The following STAC variants were observed in gnomAD, a reference collection of about 807,000 sequenced individuals.
The protein encoded by STAC is SH3 and cysteine-rich domain-containing protein.
In STAC, 43 loss-of-function variants were observed where a neutral mutation model predicts 48.8. That is an observed-to-expected ratio of 0.88 (90% CI 0.69 to 1.14). STAC has a LOEUF of 1.14. Among genes scored for constraint, STAC ranks in the 50% most tolerant of loss-of-function variants. The probability of loss-of-function intolerance (pLI) is 0.00; values close to 1 mark genes in which losing one functional copy is unlikely to be tolerated. For synonymous variants in STAC, 193 were observed against 179.5 expected (o/e 1.07, Z -0.60); for missense variants, 497 against 504.0 (o/e 0.99, Z 0.13).
intron 1 of STAC, among the ~76,000 whole-genome samples, chr3:36,433,248 T>A (rs915640851): frequency 1.3e-5 from 2 of 152,170 alleles, no homozygotes; most frequent in African/African-American, 4.8e-5. Context: ...TTAAGGTTTA[T>A]GTATCATTGG....
chr3:36,446,904 G>C (rs1696522411), intron 2 of STAC, among the ~76,000 whole-genome samples: 1 of 152,126 alleles, frequency 6.6e-6, no homozygotes, highest in Non-Finnish European at 1.5e-5. Context: ...GCTACACAAA[G>C]AATCATTCAC....
At chr3:36,405,603 G>A (rs185952946) in intron 1 of STAC, among the ~76,000 whole-genome samples, 4 of 152,220 alleles carry the variant, frequency 2.6e-5, no homozygotes, top group East Asian at 1.9e-4. Flanking sequence ...TTGCCTCCCC[G>A]TCAGCTCCAT....
In STAC at chr3:36,443,792, T is replaced by C; in HGVS notation, c.388+152T>C. On this transcript the variant is annotated intron_variant, in intron 2 of 10. Coordinates refer to ENST00000273183, the MANE Select transcript of STAC (RefSeq NM_003149.3). The surrounding 1 kb of genome is among the most constrained non-coding windows in gnomAD (Gnocchi z 4.2). ...TTCAGGAGTGCTTTGGGGAACAATATTTGTGAGAAGGTAAGGGAAGCAGCA... is the reference window on the plus strand; with the variant it reads ...TTCAGGAGTGCTTTGGGGAACAATACTTGTGAGAAGGTAAGGGAAGCAGCA... The C allele has an allele frequency of 1.9e-6, 2 of 1,075,384 alleles. No individual in the cohort carries two copies. The highest frequency in any genetic ancestry group is 2.6e-6 in the Non-Finnish European group (2 of 758,058). The allele number at this position is 1,075,384 out of a possible 1,614,324, so 66.6% of individuals were successfully genotyped here. A position where few individuals can be genotyped will look rare whatever the true frequency, so the allele number is the denominator to read the frequency against.
intron 10 of STAC, 42 bp downstream of exon 10, chr3:36,529,027 A>C: frequency 6.5e-7 from 1 of 1,540,656 alleles, no homozygotes; most frequent in Non-Finnish European, 8.8e-7. Flanking sequence ...TGAGCCAAAT[A>C]GGGTGTCATT....
chr3:36,529,185 T>TA, intron 10 of STAC, 200 bp downstream of exon 10: 1 of 442,850 alleles, frequency 2.3e-6, no homozygotes, highest in Non-Finnish European at 3.7e-6. Context: ...CACTTGGTGA[T>TA]ACCTGTTCAT....
intron 2 of STAC, among the ~76,000 whole-genome samples, chr3:36,471,905 TGAG>T (rs1214862114): frequency 3.3e-5 from 5 of 152,192 alleles, no homozygotes; most frequent in Non-Finnish European, 7.3e-5. Context: ...TCTGGAGTCT[TGAG>T]GATGGTGGCC....
At chr3:36,513,991 A>C (rs1698605500) in intron 8 of STAC, among the ~76,000 whole-genome samples, 1 of 152,088 alleles carries the variant, frequency 6.6e-6, no homozygotes, top group Non-Finnish European at 1.5e-5. Flanking sequence ...TGAATCCTGA[A>C]AAAGTTACCC....
At chr3:36,526,024 A>G (rs1242797696) in intron 8 of STAC, among the ~76,000 whole-genome samples, 1 of 152,228 alleles carries the variant, frequency 6.6e-6, no homozygotes, top group African/African-American at 2.4e-5. Context: ...CTAGAAAACA[A>G]GAACGCATGC....
intron 10 of STAC, among the ~76,000 whole-genome samples, chr3:36,533,581 G>A (rs946085335): frequency 7.1e-6 from 1 of 141,426 alleles, no homozygotes; most frequent in Non-Finnish European, 1.5e-5. Context: ...AAACCAGAAG[G>A]CAAATTAAAA....
chr3:36,435,453 T>C (rs116842490), intron 1 of STAC, among the ~76,000 whole-genome samples: 2,862 of 152,256 alleles, frequency 0.019, 209 homozygotes, highest in Admixed American at 0.13. Context: ...AGCATGCCCC[T>C]TTCTCTCTTA....
intron 1 of STAC, among the ~76,000 whole-genome samples, chr3:36,428,209 A>G (rs1053306810): frequency 3.3e-5 from 5 of 152,166 alleles, no homozygotes; most frequent in African/African-American, 1.2e-4. Flanking sequence ...TTGCATTAAC[A>G]TGTTACATTA....
chr3:36,454,170 G>T (rs565849727), intron 2 of STAC, among the ~76,000 whole-genome samples: 119 of 152,300 alleles, frequency 7.8e-4, no homozygotes, highest in Middle Eastern at 3.4e-3. Flanking sequence ...CGCTGTGGAA[G>T]CTTTGTTCTT....
chr3:36,389,406 A>T (rs1699703691), intron 1 of STAC, among the ~76,000 whole-genome samples: 1 of 152,118 alleles, frequency 6.6e-6, no homozygotes, highest in African/African-American at 2.4e-5. Context: ...ACTAATCCGA[A>T]TCATGAAGGC....
chr3:36,547,671 GT>G lies in STAC; in HGVS notation c.*1383del, dbSNP rs35006991. 16,537 of 152,638 alleles carry G rather than the reference GT, an allele frequency of 0.11. 1,119 individuals carry two copies. The highest frequency in any genetic ancestry group is 0.15 in the Non-Finnish European group (10,254 of 68,002). The allele number at this position is 152,638 out of a possible 1,614,324, so 9.5% of individuals were successfully genotyped here. A position where few individuals can be genotyped will look rare whatever the true frequency, so the allele number is the denominator to read the frequency against. ...ACTTAAGTGGATGCATCCTATGCAT[GT>G]AAGCATTATTTCCCAAACCAAAGCA... is the stretch of plus-strand genomic sequence containing the variant. On this transcript the variant is annotated 3_prime_UTR_variant, in exon 11 of 11. Coordinates refer to ENST00000273183, the MANE Select transcript of STAC (RefSeq NM_003149.3).
chr3:36,453,588 C>T (rs113182028), intron 2 of STAC, among the ~76,000 whole-genome samples: 2 of 145,584 alleles, frequency 1.4e-5, no homozygotes, highest in Non-Finnish European at 3.1e-5. Flanking sequence ...CCTCCCACCC[C>T]CTCCGTGGGT....
intron 1 of STAC, among the ~76,000 whole-genome samples, chr3:36,436,180 A>G (rs1048846921): frequency 6.6e-6 from 1 of 152,200 alleles, no homozygotes; most frequent in Non-Finnish European, 1.5e-5. Flanking sequence ...AACTTATTCA[A>G]AACTCAACTC....
intron 8 of STAC, among the ~76,000 whole-genome samples, chr3:36,510,507 C>G (rs1395617228): frequency 6.6e-6 from 1 of 152,088 alleles, no homozygotes; most frequent in South Asian, 2.1e-4. Context: ...CACATGTACA[C>G]GTATGTTTAT....
At chr3:36,514,047 A>T (rs1484366169) in intron 8 of STAC, among the ~76,000 whole-genome samples, 4 of 151,718 alleles carry the variant, frequency 2.6e-5, no homozygotes, top group Non-Finnish European at 5.9e-5. Flanking sequence ...GGAGATAATC[A>T]CTTTGCCTGC....
At chr3:36,509,350 C>A (rs1698480250) in intron 8 of STAC, among the ~76,000 whole-genome samples, 5 of 152,120 alleles carry the variant, frequency 3.3e-5, no homozygotes, top group Admixed American at 3.3e-4. Context: ...TCCTTCATTT[C>A]AACCTTGGTG....
Sources: gnomAD v4.1 joint callset for allele counts (sites outside exome capture counted in the v4.1 genomes callset) on GRCh38, gnomAD v4.1.1 for gene constraint, Gnocchi (gnomAD v3.1) non-coding constraint, MANE v1.5 for transcripts, NCBI Gene and HGNC (gene_info 2026-07-23, HGNC 2026-07-21) for gene names.